The following PTPRN2 variants were observed in gnomAD, a reference collection of about 807,000 sequenced individuals.
The protein encoded by PTPRN2 is protein tyrosine phosphatase receptor type N2, also known as receptor-type tyrosine-protein phosphatase N2.
In PTPRN2, 74 loss-of-function variants were observed where a neutral mutation model predicts 118.8. The ratio of observed to expected loss-of-function variants is 0.62; its 90% CI spans 0.52 to 0.76. The LOEUF is 0.76. Ranked by LOEUF, PTPRN2 falls within the 30% of genes least tolerant of loss-of-function variation. The pLI, the probability that PTPRN2 is intolerant of heterozygous loss-of-function variation, is 0.00. For synonymous variants in PTPRN2, 641 were observed against 608.0 expected, an observed-to-expected ratio of 1.05 and a Z score of -0.80; for missense variants, 1,481 against 1,394.4, an observed-to-expected ratio of 1.06 and a Z score of -0.99.
At chr7:158,475,487 A>G (rs1820187676) in intron 2 of PTPRN2, among the ~76,000 whole-genome samples, 1 of 152,112 alleles carries the variant, frequency 6.6e-6, no homozygotes, top group Non-Finnish European at 1.5e-5. Flanking sequence ...CCAGCCGTGC[A>G]CCAGGGACAA....
At chr7:158,175,617 C>CT (rs1019977881) in intron 5 of PTPRN2, among the ~76,000 whole-genome samples, 21 of 152,250 alleles carry the variant, frequency 1.4e-4, no homozygotes, top group African/African-American at 4.8e-4. Flanking sequence ...GACAAAATAA[C>CT]TTTTTTGCAT....
At chr7:157,595,214 A>C (rs1286234005) in intron 17 of PTPRN2, 24 bp downstream of exon 17, 1 of 1,608,932 alleles carries the variant, frequency 6.2e-7, no homozygotes, top group South Asian at 1.1e-5. Context: ...TCAGAAAGAG[A>C]GATTTTAATT....
At chr7:157,597,825 C>G (rs543757080) in intron 16 of PTPRN2, among the ~76,000 whole-genome samples, 4 of 152,338 alleles carry the variant, frequency 2.6e-5, no homozygotes, top group Admixed American at 6.5e-5. Context: ...CTGTGGGGGC[C>G]ACTGGGAAGG....
intron 12 of PTPRN2, among the ~76,000 whole-genome samples, chr7:157,804,542 A>G (rs1304881891): frequency 1.3e-5 from 2 of 148,540 alleles, no homozygotes; most frequent in African/African-American, 5.3e-5. Flanking sequence ...CGGAGCTTCC[A>G]TTCTGTAACT....
chr7:158,192,333 G>C lies in PTPRN2; in HGVS notation c.543C>G (p.Pro181=), dbSNP rs146458308. ...ARTHTAQDRP[P]AEGDDRFSES... The stretch of plus-strand genomic sequence containing the variant: ...GAGGAAGTGGAAGGGTCACCTCAGC[G>C]GGGGGTCTGTCCTGCGCCGTATGGG... The change falls in exon 5 of 23, where the codon CCC becomes CCG. Residue 181 remains proline, a synonymous_variant. Transcript: ENST00000389418. The C allele has an allele frequency of 1.4e-6, 2 of 1,475,190 alleles. No individual in the cohort carries two copies. The highest frequency in any genetic ancestry group is 1.8e-6 in the Non-Finnish European group (2 of 1,120,110). 91.4% of individuals were successfully genotyped at this position (1,475,190 alleles called of 1,614,324 possible).
chr7:158,425,936 G>C (rs1815712815), intron 2 of PTPRN2, among the ~76,000 whole-genome samples: 1 of 143,326 alleles, frequency 7.0e-6, no homozygotes, highest in African/African-American at 2.8e-5. Flanking sequence ...CCTAGCTGGG[G>C]CCTGCGCACC....
At chr7:158,462,946 C>T (rs1207530917) in intron 2 of PTPRN2, among the ~76,000 whole-genome samples, 2 of 152,240 alleles carry the variant, frequency 1.3e-5, no homozygotes, top group Admixed American at 6.5e-5. Flanking sequence ...TTATTTTATT[C>T]AGCACGAATA....
At chr7:157,748,191 C>T (rs373587544) in intron 12 of PTPRN2, among the ~76,000 whole-genome samples, 26 of 147,832 alleles carry the variant, frequency 1.8e-4, no homozygotes, top group African/African-American at 6.6e-4. Flanking sequence ...CTGAGGCCTG[C>T]GTCCCTGAGC....
At chr7:158,287,619 G>C (rs1799851495) in intron 3 of PTPRN2, among the ~76,000 whole-genome samples, 1 of 151,870 alleles carries the variant, frequency 6.6e-6, no homozygotes, top group Admixed American at 6.5e-5. Flanking sequence ...CCATATATTT[G>C]TCAATTTTCT....
chr7:158,305,804 A>AAAAG (rs1328275973), intron 3 of PTPRN2, among the ~76,000 whole-genome samples: 2 of 152,138 alleles, frequency 1.3e-5, no homozygotes, highest in East Asian at 3.9e-4. Context: ...AAAAAAAAAA[A>AAAAG]AAAGAAAGAA....
intron 12 of PTPRN2, among the ~76,000 whole-genome samples, chr7:157,753,195 G>A (rs751489868): frequency 1.3e-5 from 2 of 152,148 alleles, no homozygotes; most frequent in Non-Finnish European, 2.9e-5. Flanking sequence ...CCCACACCCC[G>A]CGCAGTGGGC....
At chr7:157,789,975 T>C (rs1473073818) in intron 12 of PTPRN2, among the ~76,000 whole-genome samples, 2 of 144,616 alleles carry the variant, frequency 1.4e-5, no homozygotes, top group East Asian at 4.3e-4. Context: ...GTGCGTATGG[T>C]GGTGTGTGTG....
At chr7:157,743,414 C>T (rs1435934226) in intron 12 of PTPRN2, among the ~76,000 whole-genome samples, 1 of 152,236 alleles carries the variant, frequency 6.6e-6, no homozygotes, top group African/African-American at 2.4e-5. Flanking sequence ...TGCTTAGGGC[C>T]TAAGAATTAG....
At chr7:158,560,776 G>T (rs1288242545) in intron 1 of PTPRN2, among the ~76,000 whole-genome samples, 1 of 152,186 alleles carries the variant, frequency 6.6e-6, no homozygotes, top group African/African-American at 2.4e-5. Context: ...TATTTGGTTT[G>T]CCAAAAACAC....
intron 11 of PTPRN2, among the ~76,000 whole-genome samples, chr7:157,946,415 C>T (rs1800491667): frequency 6.6e-6 from 1 of 152,230 alleles, no homozygotes; most frequent in Non-Finnish European, 1.5e-5. Flanking sequence ...TATTTGTTCA[C>T]ACCATTTCAT....
intron 2 of PTPRN2, among the ~76,000 whole-genome samples, chr7:158,338,200 C>T: frequency 1.3e-5 from 1 of 74,556 alleles, no homozygotes; most frequent in African/African-American, 6.0e-5. Flanking sequence ...CACCTGCAGA[C>T]GTCACTCACA....
intron 2 of PTPRN2, among the ~76,000 whole-genome samples, chr7:158,448,393 G>C (rs1204267993): frequency 2.0e-5 from 3 of 152,176 alleles, no homozygotes; most frequent in Non-Finnish European, 2.9e-5. Context: ...AAGAGATCTG[G>C]GGAGGAGGAG....
intron 2 of PTPRN2, among the ~76,000 whole-genome samples, chr7:158,400,299 G>A (rs952259098): frequency 2.0e-5 from 3 of 152,082 alleles, no homozygotes; most frequent in South Asian, 2.1e-4. Flanking sequence ...CAGGGCAGTC[G>A]TCATGCACAG....
rs200978816 is a variant in PTPRN2, at chr7:158,087,943, A to G, written c.1644-6566T>C. Among the ~76,000 whole-genome samples, 19 of 45,328 alleles carry G rather than the reference A, an allele frequency of 4.2e-4. 1 individual carries two copies. The highest frequency in any genetic ancestry group is 3.2e-3 in the East Asian group (2 of 618). The allele number at this position is 45,328 out of a possible 152,430, so 29.7% of individuals were successfully genotyped here. On this transcript the variant is annotated intron_variant, in intron 10 of 22. Transcript: ENST00000389418. ...TCCTTCTTCCCCTGATGAAAGAGGG[A>G]GTCTTCACACAAACCTTCTTCCCCT...
Sources: allele counts gnomAD v4.1 joint callset (sites outside exome capture counted in the v4.1 genomes callset), GRCh38; gene constraint gnomAD v4.1.1; transcripts MANE v1.5; gene names NCBI Gene and HGNC (gene_info 2026-07-23, HGNC 2026-07-21).